MYLIP: variants seen among roughly 807,000 people sequenced by gnomAD.
MYLIP encodes E3 ubiquitin-protein ligase MYLIP.
A neutral mutation model predicts 45.8 loss-of-function variants in MYLIP; 26 were observed. The ratio of observed to expected loss-of-function variants is 0.57; its 90% CI spans 0.42 to 0.79. The LOEUF is 0.79. Among genes scored for constraint, MYLIP ranks in the 30% least tolerant of loss-of-function variants. The pLI is 0.00. For synonymous variants in MYLIP, 213 were observed against 218.1 expected (o/e 0.98, Z 0.21); for missense variants, 494 against 555.6 (o/e 0.89, Z 1.11).
chr6:16,159,395 G>T, the MYLIP span, among the ~76,000 whole-genome samples: 1 of 152,118 alleles, frequency 6.6e-6, no homozygotes, highest in African/African-American at 2.4e-5. Flanking sequence ...GCCACAGTTG[G>T]GCCCTTTCAT....
downstream of MYLIP, among the ~76,000 whole-genome samples, chr6:16,152,272 C>A (rs181320045): frequency 2.9e-3 from 437 of 152,308 alleles, 4 homozygotes; most frequent in African/African-American, 9.7e-3. Flanking sequence ...ATTCATTTGG[C>A]CTTTTATTCC....
intron 2 of MYLIP, among the ~76,000 whole-genome samples, chr6:16,139,571 A>C (rs1752383048): frequency 6.6e-6 from 1 of 152,228 alleles, no homozygotes; most frequent in African/African-American, 2.4e-5. Flanking sequence ...TACATTCACC[A>C]AGATGAAGTT....
intron 6 of MYLIP, 21 bp from the exon 7 acceptor site, chr6:16,146,641 C>A: frequency 6.3e-7 from 1 of 1,596,746 alleles, no homozygotes; most frequent in Non-Finnish European, 8.6e-7. Flanking sequence ...CTAACAGAGA[C>A]TGTTGGCTTT....
intron 4 of MYLIP, 88 bp from the exon 5 acceptor site, chr6:16,143,611 A>T (rs975465422): frequency 1.4e-6 from 2 of 1,410,164 alleles, no homozygotes; most frequent in African/African-American, 2.9e-5. Context: ...CTGCTAGGTC[A>T]TGAGCAAATG....
intron 2 of MYLIP, 35 bp downstream of exon 2, chr6:16,130,782 A>G: frequency 1.3e-6 from 2 of 1,593,734 alleles, no homozygotes; most frequent in Non-Finnish European, 8.6e-7. Flanking sequence ...TGTCAAATTG[A>G]CCTTTGGTTC....
intron 4 of MYLIP, 108 bp from the exon 5 acceptor site, chr6:16,143,591 T>A (rs1759723178): frequency 8.8e-7 from 1 of 1,138,906 alleles, no homozygotes; most frequent in Non-Finnish European, 1.3e-6. Context: ...AGAGGAAGCG[T>A]CTGATTTTTC....
downstream of MYLIP, among the ~76,000 whole-genome samples, chr6:16,153,187 C>T (rs547804044): frequency 6.6e-6 from 1 of 152,294 alleles, no homozygotes; most frequent in African/African-American, 2.4e-5. Flanking sequence ...CAAAATAAAA[C>T]CATTGCTAGT....
downstream of MYLIP, among the ~76,000 whole-genome samples, chr6:16,152,155 A>G (rs1343604881): frequency 2.0e-5 from 3 of 152,236 alleles, no homozygotes; most frequent in African/African-American, 4.8e-5. Context: ...GGTACAAGAG[A>G]GGACAGAAGT....
At chr6:16,153,388 T>C in the MYLIP span, among the ~76,000 whole-genome samples, 1 of 152,224 alleles carries the variant, frequency 6.6e-6, no homozygotes, top group African/African-American at 2.4e-5. Flanking sequence ...GTTTCCGTTA[T>C]TAAAGCTATT....
At chr6:16,140,906 G>A (rs534832718) in intron 2 of MYLIP, among the ~76,000 whole-genome samples, 19 of 152,366 alleles carry the variant, frequency 1.2e-4, no homozygotes, top group Non-Finnish European at 1.9e-4. Context: ...TCTGGAGGAG[G>A]AGAGCAGCGC....
At chr6:16,155,051 C>T in the MYLIP span, among the ~76,000 whole-genome samples, 2 of 152,156 alleles carry the variant, frequency 1.3e-5, no homozygotes, top group Non-Finnish European at 2.9e-5. Context: ...CATGTTATTA[C>T]TCATCTCCTT....
At position 16,145,063 on chromosome 6, in the gene MYLIP, A is replaced by G. The variant is rs1370592364; in HGVS notation, c.994A>G (p.Asn332Asp). 2.5e-6 allele frequency: 4 copies of G among 1,614,110 alleles called. No individual in the cohort carries two copies. In the African/African-American group the frequency reaches 5.3e-5, roughly 22 times the overall value. The change falls in exon 6 of 7, where the codon AAT (asparagine) becomes GAT (aspartate). Residue 332 changes from asparagine to aspartate, a missense_variant. Coordinates refer to ENST00000356840, the MANE Select transcript of MYLIP (RefSeq NM_013262.4). ...TGACCATGCCAGGAGGGCTCTGTAC[A>G]ATGCTGGCGTTGTGGACCTCGTTTC... ...VYDHARRALY[N>D]AGVVDLVSRN...
Position 16,146,964 on chromosome 6 carries a change from G to A in MYLIP, c.*213G>A, listed in dbSNP as rs777308311. ...ACAACTCCAGTCATGGGACCAGGAG[G>A]AGCTCTGGGACGCAGACACATTCCT... On this transcript the variant is annotated 3_prime_UTR_variant, in exon 7 of 7. Transcript: ENST00000356840. 4.3e-5 allele frequency: 19 copies of A among 444,898 alleles called. No homozygotes were observed. Among genetic ancestry groups the A allele is most frequent in the Non-Finnish European group, 6.6e-5 (16 of 241,718 alleles). The allele number at this position is 444,898 out of a possible 1,614,324, so 27.6% of individuals were successfully genotyped here.
chr6:16,160,904 C>G, the MYLIP span: 1 of 152,478 alleles, frequency 6.6e-6, no homozygotes, highest in Non-Finnish European at 1.5e-5. Flanking sequence ...TGCTGTCACC[C>G]GAGCCGATTA....
At chr6:16,135,755 C>CTATATATATATATATATATA (rs10593630) in intron 2 of MYLIP, among the ~76,000 whole-genome samples, 1 of 125,262 alleles carries the variant, frequency 8.0e-6, no homozygotes, top group Admixed American at 8.5e-5. Context: ...ATACATATAT[C>CTATATATATATATATATATA]TATATATATA....
the MYLIP span, among the ~76,000 whole-genome samples, chr6:16,154,582 C>A: frequency 6.6e-6 from 1 of 152,186 alleles, no homozygotes; most frequent in African/African-American, 2.4e-5. Context: ...TGAGGGGCAG[C>A]CTTACACATG....
chr6:16,161,354 CT>C, the MYLIP span: 1 of 253,594 alleles, frequency 3.9e-6, no homozygotes, highest in Non-Finnish European at 8.0e-6. Flanking sequence ...TCGGCTGTGC[CT>C]TCTCCTGCTG....
chr6:16,143,384 T>C (rs1581607592), intron 4 of MYLIP, among the ~76,000 whole-genome samples, 167 bp downstream of exon 4: 1 of 152,222 alleles, frequency 6.6e-6, no homozygotes, highest in South Asian at 2.1e-4. Context: ...CCATTTTAAA[T>C]GTTATTCAAG....
In MYLIP at chr6:16,130,618, A is replaced by G; in HGVS notation, c.149A>G (p.Lys50Arg). 1 of 1,614,176 alleles carries G rather than the reference A, an allele frequency of 6.2e-7. No individual in the cohort carries two copies. Among genetic ancestry groups the G allele is most frequent in the Non-Finnish European group, 8.5e-7 (1 of 1,180,012 alleles). ...TTTGGACTGCAGTTTACGGGTAGCA[A>G]AGGTGAAAGTTTATGGCTAAACCTG... ...DYFGLQFTGS[K>R]GESLWLNLRN... The change falls in exon 2 of 7, where the codon AAA becomes AGA. Residue 50 changes from lysine (K) to arginine (R), a missense_variant. Transcript: ENST00000356840.
Sources: gnomAD v4.1 joint callset for allele counts (sites outside exome capture counted in the v4.1 genomes callset) on GRCh38, gnomAD v4.1.1 for gene constraint, MANE v1.5 for transcripts, NCBI Gene and HGNC (gene_info 2026-07-23, HGNC 2026-07-21) for gene names.